The following ZNF536 variants were observed in gnomAD, a reference collection of about 807,000 sequenced individuals.
The protein encoded by ZNF536 is zinc finger protein 536.
A neutral mutation model predicts 84.5 loss-of-function variants in ZNF536; 13 were observed. That is an observed-to-expected ratio of 0.15 (90% CI 0.10 to 0.24). The LOEUF (loss-of-function observed/expected upper bound fraction) is 0.24, where lower values mean the gene tolerates loss of function less well. Among genes scored for constraint, ZNF536 ranks in the 10% least tolerant of loss-of-function variants. The probability of loss-of-function intolerance (pLI) is 1.00; values close to 1 mark genes in which losing one functional copy is unlikely to be tolerated. For synonymous variants in ZNF536, 811 were observed against 742.5 expected (o/e 1.09, Z -1.50); for missense variants, 1,536 against 1,747.5 (o/e 0.88, Z 2.16).
upstream of ZNF536, among the ~76,000 whole-genome samples, chr19:30,369,539 G>A (rs1427129043): frequency 1.7e-5 from 1 of 57,822 alleles, no homozygotes; most frequent in East Asian, 4.2e-4. Flanking sequence ...GTCCCGGGGT[G>A]TGGTTTTTGA....
At chr19:30,431,992 C>CATATATATATATAT (rs561025363) in intron 1 of ZNF536, among the ~76,000 whole-genome samples, 2 of 144,608 alleles carry the variant, frequency 1.4e-5, no homozygotes, top group South Asian at 4.6e-4. Flanking sequence ...TCATTAAAAG[C>CATATATATATATAT]ATATATATAT....
In ZNF536 at chr19:30,249,836, C is replaced by G. The variant is rs945687409; in HGVS notation, c.-190+21163C>G. ...GGACCATTCATGAAGTCACCAGGCT[C>G]TAGTGGGAAAGTGTCTAGCCAAGAG... On this transcript the variant is annotated intron_variant, in intron 1 of 5. Coordinates refer to the ZNF536 transcript ENST00000585628. Among the ~76,000 whole-genome samples the G allele has an allele frequency of 3.3e-5, 5 of 152,122 alleles. No individual in the cohort carries two copies. The East Asian group carries it at 9.6e-4, about 29-fold the overall frequency.
chr19:30,339,603 C>T (rs1353017319), intron 2 of ZNF536, among the ~76,000 whole-genome samples: 2 of 152,160 alleles, frequency 1.3e-5, no homozygotes, highest in Admixed American at 6.5e-5. Flanking sequence ...TAGGATGGTC[C>T]CTGGGCTGGG....
intron 2 of ZNF536, among the ~76,000 whole-genome samples, chr19:30,298,127 C>A (rs890544465): frequency 2.0e-5 from 3 of 152,188 alleles, no homozygotes; most frequent in African/African-American, 7.2e-5. Flanking sequence ...ATCAGCCCGT[C>A]TTGGCCTCCC....
intron 1 of ZNF536, among the ~76,000 whole-genome samples, chr19:30,280,153 G>A (rs1355574345): frequency 2.0e-5 from 3 of 151,704 alleles, no homozygotes; most frequent in South Asian, 2.1e-4. Context: ...CCTTCCATCC[G>A]CCTCACCTCC....
chr19:30,473,703 TTGAGTCACAGCTCAAG>T (rs1468041349), intron 2 of ZNF536, among the ~76,000 whole-genome samples: 2 of 152,196 alleles, frequency 1.3e-5, no homozygotes, highest in African/African-American at 4.8e-5. Flanking sequence ...TAAATGTCCT[TTGAGTCACAGCTCAAG>T]TGCCACCTGC....
intron 1 of ZNF536, among the ~76,000 whole-genome samples, chr19:30,278,469 G>A (rs763246858): frequency 4.0e-5 from 6 of 151,776 alleles, no homozygotes; most frequent in Admixed American, 2.6e-4. Flanking sequence ...TTTTATATAT[G>A]AAAGGAGCTC....
chr19:30,265,242 T>C (rs1370206948), intron 1 of ZNF536, among the ~76,000 whole-genome samples: 1 of 152,152 alleles, frequency 6.6e-6, no homozygotes, highest in African/African-American at 2.4e-5. Flanking sequence ...ATTTCCCAAA[T>C]GCTCGGGTGC....
chr19:30,452,363 C>T (rs1055473111), intron 2 of ZNF536, among the ~76,000 whole-genome samples: 5 of 152,208 alleles, frequency 3.3e-5, no homozygotes, highest in South Asian at 2.1e-4. Flanking sequence ...ATAGGAAGTG[C>T]GTTCCCAGGA....
chr19:30,439,959 C>CTTTTTTTTTTTTTTTTT (rs199638233), intron 1 of ZNF536, among the ~76,000 whole-genome samples: 2 of 96,394 alleles, frequency 2.1e-5, no homozygotes, highest in African/African-American at 9.0e-5. Context: ...TTCTTTCTTT[C>CTTTTTTTTTTTTTTTTT]TTTTTTTTTT....
chr19:30,436,895 C>T (rs1218394795), intron 1 of ZNF536, among the ~76,000 whole-genome samples: 3 of 152,128 alleles, frequency 2.0e-5, no homozygotes, highest in African/African-American at 7.2e-5. Flanking sequence ...GAACCCGAGT[C>T]CTAGACCCTG....
In ZNF536 at chr19:30,310,138, T is replaced by G. The variant is rs148026971; in HGVS notation, c.-120+25997T>G. On this transcript the variant is annotated intron_variant, in intron 2 of 5. Coordinates refer to the ZNF536 transcript ENST00000585628. ...ATGCATTTCACATGGTGCTGGTCTT[T>G]CCGTGGGTATTATTAATATCTATTT... Among the ~76,000 whole-genome samples the G allele has an allele frequency of 2.4e-4, 37 of 152,290 alleles. 2 individuals carry two copies. The highest frequency in any genetic ancestry group is 8.7e-4 in the African/African-American group (36 of 41,550).
Position 30,540,980 on chromosome 19 carries a change from G to A in ZNF536, c.2323+5981G>A, listed in dbSNP as rs9989703. Among the ~76,000 whole-genome samples, 1,265 of 152,368 alleles carry A rather than the reference G, an allele frequency of 8.3e-3. 15 individuals are homozygous for A. The highest frequency in any genetic ancestry group is 0.029 in the African/African-American group (1,186 of 41,588). On this transcript the variant is annotated intron_variant, in intron 3 of 4. Coordinates refer to ENST00000355537, the MANE Select transcript of ZNF536 (RefSeq NM_014717.3). ...ACTAGCACAGCGAGGTTAGGGGTGA[G>A]GCATGGCCACTGTGGCATGTGGAGG...
intron 1 of ZNF536, among the ~76,000 whole-genome samples, chr19:30,252,466 C>T (rs1051909754): frequency 6.6e-6 from 1 of 152,112 alleles, no homozygotes; most frequent in South Asian, 2.1e-4. Context: ...TGGGATGAGG[C>T]AGGAGGATTT....
At chr19:30,543,626 AAGCGGTTCTC>A (rs2045424797) in intron 3 of ZNF536, among the ~76,000 whole-genome samples, 1 of 152,226 alleles carries the variant, frequency 6.6e-6, no homozygotes, top group South Asian at 2.1e-4. Flanking sequence ...CTTGGCTGGG[AAGCGGTTCTC>A]AGCTCAGGTA....
chr19:30,451,842 G>A (rs959024954), intron 2 of ZNF536, among the ~76,000 whole-genome samples: 2 of 152,196 alleles, frequency 1.3e-5, no homozygotes, highest in African/African-American at 4.8e-5. Flanking sequence ...ATGCATGTTA[G>A]CGCAAGGGAC....
intron 1 of ZNF536, among the ~76,000 whole-genome samples, chr19:30,582,027 G>A (rs2146681629): frequency 6.6e-6 from 1 of 152,278 alleles, no homozygotes; most frequent in East Asian, 1.9e-4. Context: ...GATTCCCAGT[G>A]GAATCCTCTG....
At chr19:30,446,980 C>G (rs1360647777) in intron 2 of ZNF536, among the ~76,000 whole-genome samples, 1 of 152,158 alleles carries the variant, frequency 6.6e-6, no homozygotes, top group Non-Finnish European at 1.5e-5. Context: ...AAGAAAGCAC[C>G]TCGCTAATAC....
chr19:30,581,088 T>C (rs1301993974), intron 1 of ZNF536, among the ~76,000 whole-genome samples: 1 of 152,228 alleles, frequency 6.6e-6, no homozygotes, highest in East Asian at 1.9e-4. Context: ...GCAGACCTGA[T>C]CAAATTCACT....
Sources: allele counts gnomAD v4.1 joint callset (sites outside exome capture counted in the v4.1 genomes callset), GRCh38; gene constraint gnomAD v4.1.1; transcripts MANE v1.5; gene names NCBI Gene and HGNC (gene_info 2026-07-23, HGNC 2026-07-21).